PRR5L: variants seen among roughly 807,000 people sequenced by gnomAD.
The protein encoded by PRR5L is proline rich 5 like, also known as proline-rich protein 5-like.
PRR5L carries 21 observed loss-of-function variants against 36.4 expected under a neutral mutation model. That is an observed-to-expected ratio of 0.58 (90% CI 0.41 to 0.83). PRR5L has a LOEUF of 0.83. Ranked by LOEUF, PRR5L falls within the 40% of genes least tolerant of loss-of-function variation. The pLI is 0.00. For synonymous variants in PRR5L, 188 were observed against 197.0 expected (o/e 0.95, Z 0.38); for missense variants, 381 against 473.3 (o/e 0.80, Z 1.81).
rs1003353050 is a variant in PRR5L, at chr11:36,452,987, A to G, written c.712+1652A>G. ...TAGCATCTTCAACAACAAAAAATAA[A>G]TTTCTAGAGAAGTGATAAGGCAAAG... On this transcript the variant is annotated intron_variant, in intron 8 of 8. Transcript: ENST00000530639. 7.2e-5 allele frequency among the ~76,000 whole-genome samples: 11 copies of G among 152,324 alleles called. No homozygotes were observed. In the South Asian group the frequency reaches 2.1e-3, roughly 29 times the overall value.
At chr11:36,382,439 T>C (rs1857385246) in intron 1 of PRR5L, among the ~76,000 whole-genome samples, 1 of 152,214 alleles carries the variant, frequency 6.6e-6, no homozygotes, top group South Asian at 2.1e-4. Context: ...CAAGGAAGCA[T>C]GGTCTAGAGC....
intron 1 of PRR5L, among the ~76,000 whole-genome samples, chr11:36,400,731 C>A (rs1285078668): frequency 6.6e-6 from 1 of 152,242 alleles, no homozygotes; most frequent in Non-Finnish European, 1.5e-5. Context: ...GAACCAGAGT[C>A]TAGCACAGCT....
At chr11:36,447,530 C>G (rs1461498015) in intron 7 of PRR5L, among the ~76,000 whole-genome samples, 2 of 152,250 alleles carry the variant, frequency 1.3e-5, no homozygotes, top group Non-Finnish European at 2.9e-5. Context: ...TACTATGCCT[C>G]TTCACCTCTG....
chr11:36,350,465 GA>G (rs933651867), intron 1 of PRR5L, among the ~76,000 whole-genome samples: 1 of 152,050 alleles, frequency 6.6e-6, no homozygotes, highest in African/African-American at 2.4e-5. Flanking sequence ...GATTGGTTAT[GA>G]AACAGAGAAC....
rs756966336 is a variant in PRR5L at position 36,462,740 on chromosome 11, G to A, written c.*4G>A. 3 of 1,536,106 alleles carry A rather than the reference G, an allele frequency of 2.0e-6. No individual in the cohort carries two copies. Among genetic ancestry groups the A allele is most frequent in the Non-Finnish European group, 2.6e-6 (3 of 1,141,018 alleles). ...GAACTGTGCTTCCCTCAGCTGAGTC[G>A]CCACCCCTGGGCCTTTCCATCTCCT... is the stretch of plus-strand genomic sequence containing the variant. On this transcript the variant is annotated 3_prime_UTR_variant, in exon 9 of 9. Transcript: ENST00000530639.
intron 1 of PRR5L, among the ~76,000 whole-genome samples, chr11:36,385,450 A>G (rs1857440031): frequency 6.6e-6 from 1 of 152,230 alleles, no homozygotes; most frequent in South Asian, 2.1e-4. Context: ...GTGATGATAT[A>G]ATTACTTCTA....
chr11:36,398,400 G>C (rs1857714949), intron 1 of PRR5L: 1 of 152,426 alleles, frequency 6.6e-6, no homozygotes, highest in South Asian at 2.1e-4. Context: ...GTGAACCCAG[G>C]GTGTATCAGC....
At chr11:36,415,121 A>G (rs1251615240) in intron 3 of PRR5L, among the ~76,000 whole-genome samples, 1 of 151,578 alleles carries the variant, frequency 6.6e-6, no homozygotes, top group Non-Finnish European at 1.5e-5. Flanking sequence ...GTAGCCTTGT[A>G]GTATAGTTTG....
intron 5 of PRR5L, among the ~76,000 whole-genome samples, chr11:36,436,061 T>C (rs571610944): frequency 3.9e-5 from 6 of 152,322 alleles, no homozygotes; most frequent in African/African-American, 1.2e-4. Context: ...TTTCCCCCTG[T>C]GAATTTCACC....
chr11:36,394,931 G>T (rs922413656), intron 1 of PRR5L, among the ~76,000 whole-genome samples: 5 of 152,160 alleles, frequency 3.3e-5, no homozygotes, highest in African/African-American at 1.2e-4. Flanking sequence ...GGGTTTATCT[G>T]CCCCCAGAGC....
chr11:36,406,789 C>G (rs1590547536), intron 3 of PRR5L, among the ~76,000 whole-genome samples: 1 of 152,094 alleles, frequency 6.6e-6, no homozygotes, highest in South Asian at 2.1e-4. Flanking sequence ...GTTCTTCAGC[C>G]CATTTTTCAG....
At chr11:36,331,312 C>T (rs532524031) in intron 1 of PRR5L, among the ~76,000 whole-genome samples, 41 of 152,218 alleles carry the variant, frequency 2.7e-4, no homozygotes, top group African/African-American at 7.9e-4. Flanking sequence ...ATTTTTCAGG[C>T]GCTGTCTTGA....
chr11:36,320,239 C>CTTTTTTT (rs34085047), intron 1 of PRR5L, among the ~76,000 whole-genome samples: 2 of 94,910 alleles, frequency 2.1e-5, no homozygotes, highest in East Asian at 3.7e-4. Flanking sequence ...AACTGGGAAT[C>CTTTTTTT]TTTTTTTTTT....
chr11:36,349,334 G>A (rs1259927219), intron 1 of PRR5L, among the ~76,000 whole-genome samples: 2 of 126,994 alleles, frequency 1.6e-5, no homozygotes, highest in Non-Finnish European at 3.3e-5. Context: ...GTTTCTAAAA[G>A]CAACTAAATT....
intron 1 of PRR5L, among the ~76,000 whole-genome samples, chr11:36,354,664 G>A (rs1035433570): frequency 1.1e-4 from 16 of 152,228 alleles, no homozygotes; most frequent in Admixed American, 9.8e-4. Flanking sequence ...ATGTGCCTTT[G>A]AAGTGAGACA....
At chr11:36,388,863 TG>T (rs1857508575) in intron 1 of PRR5L, among the ~76,000 whole-genome samples, 1 of 152,080 alleles carries the variant, frequency 6.6e-6, no homozygotes, top group Admixed American at 6.5e-5. Context: ...CAAGCCCGGC[TG>T]ATTTTTTTGT....
chr11:36,393,825 A>T (rs964756062), intron 1 of PRR5L: 20 of 152,206 alleles, frequency 1.3e-4, no homozygotes, highest in Non-Finnish European at 2.9e-5. Flanking sequence ...ATGTCTTTCC[A>T]TTTTTGTGTG....
intron 1 of PRR5L, among the ~76,000 whole-genome samples, chr11:36,383,840 C>T (rs377431858): frequency 5.9e-5 from 9 of 151,818 alleles, no homozygotes; most frequent in Admixed American, 6.6e-5. Flanking sequence ...GAATTACAGG[C>T]GCCTGCCACC....
intron 1 of PRR5L, among the ~76,000 whole-genome samples, chr11:36,350,920 TTA>T (rs1373995183): frequency 1.9e-4 from 9 of 47,452 alleles, no homozygotes; most frequent in East Asian, 7.0e-4. Flanking sequence ...ATATATATAT[TTA>T]TATATATTTA....
Sources: gnomAD v4.1 joint callset for allele counts (sites outside exome capture counted in the v4.1 genomes callset) on GRCh38, gnomAD v4.1.1 for gene constraint, MANE v1.5 for transcripts, NCBI Gene and HGNC (gene_info 2026-07-23, HGNC 2026-07-21) for gene names.